C6orf62: variants seen among roughly 807,000 people sequenced by gnomAD.
C6orf62 encodes the protein chromosome 6 open reading frame 62.
Under a neutral mutation model 26.8 loss-of-function variants are expected in C6orf62, and 16 were observed. The observed-to-expected ratio is 0.60, with a 90% CI of 0.40 to 0.91. The LOEUF is 0.91. Ranked by LOEUF, C6orf62 falls within the 40% of genes least tolerant of loss-of-function variation. The pLI is 0.00. For synonymous variants in C6orf62, 112 were observed against 91.5 expected (o/e 1.22, Z -1.28); for missense variants, 192 against 271.4 (o/e 0.71, Z 2.06).
chr6:24,715,208 A>C (rs1352150692), intron 2 of C6orf62, among the ~76,000 whole-genome samples: 2 of 152,336 alleles, frequency 1.3e-5, no homozygotes, highest in South Asian at 4.1e-4. Context: ...TGTAGCCAGC[A>C]TATTAATTTT....
upstream of C6orf62, chr6:24,719,931 G>A (rs1171810863): frequency 1.9e-6 from 3 of 1,550,416 alleles, no homozygotes; most frequent in East Asian, 2.4e-5. Flanking sequence ...CCGCCCGGGT[G>A]GAGTGGGCGG....
At chr6:24,708,623 C>T (rs982058158) in intron 4 of C6orf62, among the ~76,000 whole-genome samples, 154 bp downstream of exon 4, 8 of 152,206 alleles carry the variant, frequency 5.3e-5, no homozygotes, top group Non-Finnish European at 1.2e-4. Context: ...CAGGCATGAG[C>T]CACCATGCCC....
chr6:24,719,818 A>AGG, upstream of C6orf62: 1 of 897,306 alleles, frequency 1.1e-6, no homozygotes, highest in Non-Finnish European at 1.7e-6. Context: ...CCACCCCCGC[A>AGG]GGTCCCACCC....
chr6:24,709,128 C>T (rs987912834), intron 3 of C6orf62: 2 of 971,504 alleles, frequency 2.1e-6, no homozygotes, highest in African/African-American at 3.5e-5. Context: ...GCACTAGCCA[C>T]ATTTCAAATG....
intron 4 of C6orf62, 147 bp from the exon 5 acceptor site, chr6:24,706,409 A>T (rs1199976801): frequency 4.7e-6 from 6 of 1,274,550 alleles, no homozygotes; most frequent in Non-Finnish European, 5.2e-6. Context: ...TAGACAGACA[A>T]AATCTTGCCA....
upstream of C6orf62, chr6:24,720,494 C>T (rs1355236806): frequency 4.4e-5 from 28 of 640,750 alleles, no homozygotes; most frequent in Non-Finnish European, 4.9e-5. Context: ...GAGACAGCGG[C>T]AACAGGGAGA....
intron 4 of C6orf62, among the ~76,000 whole-genome samples, chr6:24,708,410 A>C (rs1261287002): frequency 6.6e-6 from 1 of 152,156 alleles, no homozygotes; most frequent in East Asian, 1.9e-4. Context: ...GTGCAGTGAC[A>C]AGATCTCACT....
At chr6:24,719,338 T>C (rs909615656), upstream of C6orf62, 22 of 998,070 alleles carry the variant, frequency 2.2e-5, no homozygotes, top group African/African-American at 3.7e-4. Context: ...TGTTATTGAT[T>C]ACACTTGGTG....
intron 3 of C6orf62, 85 bp downstream of exon 3, chr6:24,714,233 C>A: frequency 9.5e-7 from 1 of 1,054,318 alleles, no homozygotes; most frequent in Non-Finnish European, 1.3e-6. Context: ...AAACCATTTT[C>A]CCAAAGAATT....
chr6:24,720,056 T>C (rs1001791727), upstream of C6orf62: 2 of 1,237,502 alleles, frequency 1.6e-6, no homozygotes, highest in Admixed American at 6.6e-5. Context: ...CCGGATTAGC[T>C]CTCTCTCACG....
chr6:24,709,145 G>T lies in C6orf62; in HGVS notation c.430-234C>A, dbSNP rs774558518. ...ACTAGCCACATTTCAAATGCTCAAC[G>T]GTCACATGACTACTGGCCACCATTA... On this transcript the variant is annotated intron_variant, in intron 3 of 4. Coordinates refer to ENST00000378119, the MANE Select transcript of C6orf62 (RefSeq NM_030939.5). 3.1e-6 allele frequency: 3 copies of T among 965,424 alleles called. No homozygotes were observed. In the African/African-American group the frequency reaches 5.3e-5, roughly 17 times the overall value. 59.8% of individuals were successfully genotyped at this position (965,424 alleles called of 1,614,324 possible).
intron 3 of C6orf62, among the ~76,000 whole-genome samples, chr6:24,711,469 A>G (rs1779119412): frequency 1.3e-5 from 2 of 152,144 alleles, no homozygotes; most frequent in South Asian, 4.1e-4. Flanking sequence ...GGTTCCGATT[A>G]TATCCTCACT....
chr6:24,719,524 G>T, upstream of C6orf62: 1 of 1,155,590 alleles, frequency 8.7e-7, no homozygotes, highest in South Asian at 2.4e-5. Context: ...ACCCTCAGGC[G>T]GCTGCTAACG....
At chr6:24,716,361 A>G in intron 1 of C6orf62, 37 bp from the exon 2 acceptor site, 1 of 1,497,574 alleles carries the variant, frequency 6.7e-7, no homozygotes, top group Middle Eastern at 1.8e-4. Flanking sequence ...ACCCACAGGG[A>G]GCACAGCCTT....
chr6:24,710,611 G>GTT, intron 3 of C6orf62: 4 of 978,862 alleles, frequency 4.1e-6, no homozygotes, highest in Non-Finnish European at 4.8e-6. Context: ...AAAAAAAAAA[G>GTT]TAACAGTAAG....
At chr6:24,706,557 T>C (rs1779013260) in intron 4 of C6orf62, among the ~76,000 whole-genome samples, 1 of 152,146 alleles carries the variant, frequency 6.6e-6, no homozygotes, top group African/African-American at 2.4e-5. Flanking sequence ...GTCATTTTTA[T>C]ATAGAGGAAG....
upstream of C6orf62, chr6:24,719,964 A>G: frequency 6.5e-7 from 1 of 1,547,538 alleles, no homozygotes; most frequent in South Asian, 1.2e-5. Context: ...GGGAAGGTTC[A>G]GTGGGGGAAA....
chr6:24,707,755 G>A (rs1191068590), intron 4 of C6orf62, among the ~76,000 whole-genome samples: 2 of 151,978 alleles, frequency 1.3e-5, no homozygotes, highest in African/African-American at 2.4e-5. Context: ...TGTAATCCCA[G>A]CACTTTGGTA....
chr6:24,719,397 T>C (rs1779306625), upstream of C6orf62: 1 of 1,022,342 alleles, frequency 9.8e-7, no homozygotes, highest in African/African-American at 1.7e-5. Flanking sequence ...AAGGGAGAGG[T>C]ACAGGGTTTC....
Sources: gnomAD v4.1 joint callset for allele counts (sites outside exome capture counted in the v4.1 genomes callset) on GRCh38, gnomAD v4.1.1 for gene constraint, MANE v1.5 for transcripts, NCBI Gene and HGNC (gene_info 2026-07-23, HGNC 2026-07-21) for gene names.